The following CYP4F2 variants were observed in gnomAD, a reference collection of about 807,000 sequenced individuals.
The protein encoded by CYP4F2 is cytochrome P450 4F2.
A neutral mutation model predicts 58.9 loss-of-function variants in CYP4F2; 58 were observed. The ratio of observed to expected loss-of-function variants is 0.98; its 90% CI spans 0.80 to 1.23. The LOEUF (loss-of-function observed/expected upper bound fraction) is 1.23. Among genes scored for constraint, CYP4F2 ranks in the 50% most tolerant of loss-of-function variants. The pLI is 0.00. For synonymous variants in CYP4F2, 287 were observed against 261.1 expected (o/e 1.10, Z -0.95); for missense variants, 616 against 685.6 (o/e 0.90, Z 1.13).
In CYP4F2 at chr19:15,885,940, G is replaced by A; in HGVS notation, c.1099C>T (p.Pro367Ser). Residue 367 changes from proline to serine, a missense_variant, in exon 9 of 13, where the codon CCT becomes TCT. Physicochemically the swap from Pro to Ser is moderately conservative, Grantham distance 74. Transcript: ENST00000221700. Reference sequence around the variant, plus strand: ...TGCACTCACCATTCAATCTCTTTAGGCTCACGGTCCTTCAGAAGTTCTTGC... The same window carrying A: ...TGCACTCACCATTCAATCTCTTTAGACTCACGGTCCTTCAGAAGTTCTTGC... ...EVQELLKDRE[P>S]KEIEWDDLAH... 13 of 1,613,748 alleles carry A rather than the reference G, an allele frequency of 8.1e-6. No homozygotes were observed. Among genetic ancestry groups the A allele is most frequent in the Non-Finnish European group, 1.1e-5 (13 of 1,179,820 alleles).
At chr19:15,889,794 G>A in intron 6 of CYP4F2, 101 bp from the exon 7 acceptor site, 1 of 1,526,032 alleles carries the variant, frequency 6.6e-7, no homozygotes, top group South Asian at 1.2e-5. Flanking sequence ...TCAGTAAACA[G>A]AGTATCCAGG....
At chr19:15,894,447 G>A (rs142771166) in intron 3 of CYP4F2, among the ~76,000 whole-genome samples, 89 of 152,206 alleles carry the variant, frequency 5.8e-4, no homozygotes, top group Non-Finnish European at 8.7e-4. Flanking sequence ...GGGACTCATC[G>A]TTGACATCAT....
In CYP4F2 at chr19:15,878,918, C is replaced by T. The variant is rs751462720; in HGVS notation, c.1416G>A (p.Thr472=). 19 of 1,613,810 alleles carry T rather than the reference C, an allele frequency of 1.2e-5. No individual in the cohort carries two copies. Among genetic ancestry groups the T allele is most frequent in the Non-Finnish European group, 1.4e-5 (17 of 1,179,894 alleles). ...CCACCTTCATCTCCGCCATCGCGAA[C>T]GTCTGCCCGATGCAGTTCCTAGGGG... ...SAGPRNCIGQ[T]FAMAEMKVVL... The change falls in exon 13 of 13, where the codon ACG becomes ACA. Residue 472 remains threonine (T), a synonymous_variant. Coordinates refer to ENST00000221700, the MANE Select transcript of CYP4F2 (RefSeq NM_001082.5).
chr19:15,890,284 A>G, intron 6 of CYP4F2, 28 bp downstream of exon 6: 1 of 1,613,718 alleles, frequency 6.2e-7, no homozygotes. Context: ...CCACAGCCCA[A>G]GATCCCAGAT....
rs199689049 is a variant in CYP4F2 at position 15,886,310 on chromosome 19, T to C, written c.919-2A>G. 4.3e-6 allele frequency: 7 copies of C among 1,612,718 alleles called. No individual in the cohort carries two copies. Among genetic ancestry groups the C allele is most frequent in the African/African-American group, 4.0e-5 (3 of 74,466 alleles). On this transcript the variant is annotated splice_acceptor_variant, in intron 7 of 12. Coordinates refer to ENST00000221700, the MANE Select transcript of CYP4F2 (RefSeq NM_001082.5). LOFTEE classifies it high-confidence loss of function. ...AGATAACTTCTTCCCGTCTTCATCC[T>C]GGAGAGAAGGCAGTAACCCCCCCCA...
chr19:15,888,861 A>T (rs2089398711), intron 7 of CYP4F2, among the ~76,000 whole-genome samples: 1 of 152,264 alleles, frequency 6.6e-6, no homozygotes, highest in Admixed American at 6.5e-5. Flanking sequence ...AGACAAAGAC[A>T]CAAACACAGA....
chr19:15,878,918 C>G lies in CYP4F2; in HGVS notation c.1416G>C (p.Thr472=). The G allele has an allele frequency of 6.2e-7, 1 of 1,613,822 alleles. No homozygotes were observed. Among genetic ancestry groups the G allele is most frequent in the Non-Finnish European group, 8.5e-7 (1 of 1,179,904 alleles). ...SAGPRNCIGQ[T]FAMAEMKVVL... Reference sequence around the variant, plus strand: ...CCACCTTCATCTCCGCCATCGCGAACGTCTGCCCGATGCAGTTCCTAGGGG... The same window carrying G: ...CCACCTTCATCTCCGCCATCGCGAAGGTCTGCCCGATGCAGTTCCTAGGGG... The change falls in exon 13 of 13, where the codon ACG becomes ACC. Residue 472 remains threonine, a synonymous_variant. Coordinates refer to ENST00000221700, the MANE Select transcript of CYP4F2 (RefSeq NM_001082.5).
chr19:15,896,161 C>G (rs555264469), intron 2 of CYP4F2, among the ~76,000 whole-genome samples: 1 of 152,052 alleles, frequency 6.6e-6, no homozygotes, highest in Admixed American at 6.5e-5. Context: ...ATCTATCTAC[C>G]TACGTGCCTG....
chr19:15,894,299 C>T (rs1313316979), intron 3 of CYP4F2, among the ~76,000 whole-genome samples: 7 of 152,172 alleles, frequency 4.6e-5, no homozygotes, highest in Non-Finnish European at 1.5e-5. Flanking sequence ...AGACCCAGGC[C>T]TACCAAGACT....
intron 8 of CYP4F2, 69 bp downstream of exon 8, chr19:15,886,173 G>A: frequency 6.2e-7 from 1 of 1,610,768 alleles, no homozygotes; most frequent in Non-Finnish European, 8.5e-7. Context: ...GGTTGTGGGG[G>A]TCTACCCACC....
intron 9 of CYP4F2, among the ~76,000 whole-genome samples, chr19:15,884,140 G>A (rs1481741227): frequency 1.3e-5 from 2 of 151,952 alleles, no homozygotes; most frequent in Non-Finnish European, 2.9e-5. Flanking sequence ...GAAAGGAAAT[G>A]TGGCATGTAT....
chr19:15,897,438 G>T lies in CYP4F2; in HGVS notation c.174C>A (p.Asn58Lys). 6.2e-7 allele frequency: 1 copy of T among 1,612,610 alleles called. No homozygotes were observed. The highest frequency in any genetic ancestry group is 8.5e-7 in the Non-Finnish European group (1 of 1,179,306). ...LRCFPQPPRRNWFWGHQGMVN... is the reference protein window; with the variant it reads ...LRCFPQPPRRKWFWGHQGMVN... Reference sequence around the variant, plus strand: ...CCATGCCCTGGTGTCCCCAAAACCAGTTCCGTCTTGGGGGTTGTGGGAAAC... The same window carrying T: ...CCATGCCCTGGTGTCCCCAAAACCATTTCCGTCTTGGGGGTTGTGGGAAAC... Residue 58 changes from asparagine to lysine, a missense_variant, in exon 2 of 13, where the codon AAC becomes AAA. Coordinates refer to ENST00000221700, the MANE Select transcript of CYP4F2 (RefSeq NM_001082.5).
rs149955936 is a variant in CYP4F2, at chr19:15,889,591, G to C, written c.750C>G (p.Thr250=). Residue 250 remains threonine (T), a synonymous_variant, in exon 7 of 13, where the codon ACC becomes ACG. Transcript: ENST00000221700. ...CCCTGCGGAAACGCTGCCCATCAGG[G>C]GTGAGATAATACAGGAAGTCAATAT... is the stretch of plus-strand genomic sequence containing the variant. The part of the protein sequence containing the change: ...LLHIDFLYYL[T]PDGQRFRRAC... 2.1e-5 allele frequency: 34 copies of C among 1,614,068 alleles called. No homozygotes were observed. Among genetic ancestry groups the C allele is most frequent in the African/African-American group, 2.7e-5 (2 of 74,908 alleles).
At position 15,889,571 on chromosome 19, in the gene CYP4F2, C is replaced by T. The variant is rs748710919; in HGVS notation, c.770G>A (p.Arg257His). The T allele has an allele frequency of 1.2e-5, 20 of 1,614,028 alleles. No individual in the cohort carries two copies. The highest frequency in any genetic ancestry group is 1.0e-4 in the Admixed American group (6 of 60,006). The change falls in exon 7 of 13, where the codon CGC becomes CAC. Residue 257 changes from arginine to histidine, a missense_variant. By Grantham distance (29) the Arg-to-His change is conservative (BLOSUM62 0). Coordinates refer to ENST00000221700, the MANE Select transcript of CYP4F2 (RefSeq NM_001082.5). ...GTCGTGCACCAGGCGGCAGGCCCTG[C>T]GGAAACGCTGCCCATCAGGGGTGAG... Reference protein sequence around the residue: ...YYLTPDGQRFRRACRLVHDFT... With the variant: ...YYLTPDGQRFHRACRLVHDFT...
intron 2 of CYP4F2, among the ~76,000 whole-genome samples, 168 bp downstream of exon 2, chr19:15,897,246 G>A (rs765985130): frequency 4.6e-5 from 7 of 152,142 alleles, no homozygotes; most frequent in African/African-American, 1.2e-4. Flanking sequence ...AAGGGCTTGC[G>A]TAGGCACCTC....
chr19:15,892,641 GT>G, intron 3 of CYP4F2, 59 bp from the exon 4 acceptor site: 1 of 1,586,738 alleles, frequency 6.3e-7, no homozygotes, highest in South Asian at 1.2e-5. Context: ...GACTTTGGGG[GT>G]GGGTGGAGGC....
intron 9 of CYP4F2, among the ~76,000 whole-genome samples, chr19:15,881,802 A>G (rs1259170196): frequency 1.4e-5 from 2 of 142,566 alleles, no homozygotes; most frequent in Non-Finnish European, 3.1e-5. Context: ...ATTCAGCCTT[A>G]AAAAAAAAAA....
chr19:15,889,455 A>T lies in CYP4F2; in HGVS notation c.886T>A (p.Leu296Met), dbSNP rs777690976. 3.7e-6 allele frequency: 6 copies of T among 1,614,084 alleles called. No individual in the cohort carries two copies. The South Asian group carries it at 6.6e-5, about 18-fold the overall frequency. Residue 296 changes from leucine to methionine, a missense_variant, in exon 7 of 13, where the codon TTG becomes ATG. Coordinates refer to ENST00000221700, the MANE Select transcript of CYP4F2 (RefSeq NM_001082.5). ...AGCAGGAGTACATCAATGAAGTCCA[A>T]AGTCTTGGATTTGGCCTTGGCTTGG... ...FLQAKAKSKT[L>M]DFIDVLLLSK...
At chr19:15,885,656 T>G (rs2089373097) in intron 9 of CYP4F2, among the ~76,000 whole-genome samples, 1 of 99,254 alleles carries the variant, frequency 1.0e-5, no homozygotes, top group East Asian at 2.3e-4. Flanking sequence ...GAGGGGAAGT[T>G]CATTTGCTGA....
Sources: gnomAD v4.1 joint callset for allele counts (sites outside exome capture counted in the v4.1 genomes callset) on GRCh38, gnomAD v4.1.1 for gene constraint, MANE v1.5 for transcripts, NCBI Gene and HGNC (gene_info 2026-07-23, HGNC 2026-07-21) for gene names.